Variants in RBFOX1 observed in about 807,000 individuals in gnomAD.
RBFOX1 encodes RNA binding fox-1 homolog 1.
In RBFOX1, 8 loss-of-function variants were observed where a neutral mutation model predicts 57.7. The observed-to-expected ratio is 0.14, with a 90% CI of 0.08 to 0.25. The LOEUF (loss-of-function observed/expected upper bound fraction) is 0.25. RBFOX1 is among the 10% of genes least tolerant of loss of function. RBFOX1 has a pLI of 1.00. For synonymous variants in RBFOX1, 326 were observed against 222.4 expected, an observed-to-expected ratio of 1.47 and a Z score of -4.15; for missense variants, 611 against 548.5, an observed-to-expected ratio of 1.11 and a Z score of -1.14.
chr16:7,504,753 ATT>A (rs111301113), intron 4 of RBFOX1, among the ~76,000 whole-genome samples: 68 of 6,246 alleles, frequency 0.011, 1 homozygote, highest in Admixed American at 0.016. Context: ...ATATATATAT[ATT>A]TATATATATA....
intron 1 of RBFOX1, among the ~76,000 whole-genome samples, chr16:5,263,665 T>G (rs752777700): frequency 2.6e-5 from 4 of 151,988 alleles, no homozygotes; most frequent in Non-Finnish European, 5.9e-5. Flanking sequence ...CTTCTCCTTA[T>G]GAGATGGGAA....
At chr16:6,659,091 G>C (rs573673473) in intron 3 of RBFOX1, among the ~76,000 whole-genome samples, 3 of 151,896 alleles carry the variant, frequency 2.0e-5, no homozygotes, top group Non-Finnish European at 4.4e-5. Context: ...GTTTCTGCTG[G>C]GGCACTGAAG....
intron 3 of RBFOX1, among the ~76,000 whole-genome samples, chr16:5,790,079 T>G (rs1438060459): frequency 6.6e-6 from 1 of 152,246 alleles, no homozygotes; most frequent in Non-Finnish European, 1.5e-5. Flanking sequence ...GACTCCAGGC[T>G]GCTACCACTC....
In RBFOX1 at chr16:6,607,451, TTCC is replaced by T. The variant is rs566525631; in HGVS notation, c.-63-47149_-63-47147del. 4.9e-3 allele frequency among the ~76,000 whole-genome samples: 742 copies of T among 150,642 alleles called. 6 individuals are homozygous for T. Among genetic ancestry groups the T allele is most frequent in the African/African-American group, 0.017 (700 of 40,924 alleles). On this transcript the variant is annotated intron_variant, in intron 2 of 15. Transcript: ENST00000550418. ...CTCTCTCTCTCGCTCTCTATCTCTC[TTCC>T]TCTCTCTCTTCCTCCTCTGTCTCTC...
At chr16:6,492,223 G>A (rs2095648476) in intron 2 of RBFOX1, among the ~76,000 whole-genome samples, 1 of 152,168 alleles carries the variant, frequency 6.6e-6, no homozygotes, top group South Asian at 2.1e-4. Flanking sequence ...TTTATATACT[G>A]TTAGAATGTG....
intron 2 of RBFOX1, among the ~76,000 whole-genome samples, chr16:6,513,442 G>T (rs903008276): frequency 6.6e-6 from 1 of 152,102 alleles, no homozygotes; most frequent in Non-Finnish European, 1.5e-5. Flanking sequence ...TAAAAGTTTG[G>T]AGACCATGAG....
chr16:5,989,911 C>T (rs111842787), intron 4 of RBFOX1, among the ~76,000 whole-genome samples: 13 of 138,880 alleles, frequency 9.4e-5, no homozygotes, highest in African/African-American at 3.4e-4. Context: ...GAGTAACCAC[C>T]CAGGTTGGTC....
At chr16:7,695,927 T>C (rs910577932) in intron 14 of RBFOX1, among the ~76,000 whole-genome samples, 1 of 152,210 alleles carries the variant, frequency 6.6e-6, no homozygotes, top group Non-Finnish European at 1.5e-5. Flanking sequence ...ATGCCCATGG[T>C]GGATGGGCTA....
intron 1 of RBFOX1, among the ~76,000 whole-genome samples, chr16:5,349,676 GA>G (rs530979428): frequency 8.7e-5 from 13 of 149,112 alleles, no homozygotes; most frequent in South Asian, 2.1e-4. Flanking sequence ...TGTCTGGGAA[GA>G]AAAAAAAAAC....
chr16:7,435,272 T>C lies in RBFOX1; in HGVS notation c.28-82875T>C, dbSNP rs536824432. Among the ~76,000 whole-genome samples, 107 of 152,248 alleles carry C rather than the reference T, an allele frequency of 7.0e-4. 1 individual carries two copies. The highest frequency in any genetic ancestry group is 2.5e-3 in the African/African-American group (104 of 41,538). ...TTTGGAGTACTAAGCAGGTGTTTTGTAGTGTGTCCCTCCACTGAGGAGTTT... is the reference window on the plus strand; with the variant it reads ...TTTGGAGTACTAAGCAGGTGTTTTGCAGTGTGTCCCTCCACTGAGGAGTTT... On this transcript the variant is annotated intron_variant, in intron 4 of 15. Transcript: ENST00000550418.
chr16:5,347,158 T>C (rs1363976178), intron 1 of RBFOX1, among the ~76,000 whole-genome samples: 2 of 152,196 alleles, frequency 1.3e-5, no homozygotes, highest in African/African-American at 2.4e-5. Context: ...TCCTGCTTCA[T>C]GTTTCTTCAT....
chr16:5,480,623 C>T (rs952469148), intron 2 of RBFOX1, among the ~76,000 whole-genome samples: 21 of 152,118 alleles, frequency 1.4e-4, no homozygotes, highest in South Asian at 6.2e-4. Context: ...AGAAAATTCA[C>T]CCATGGCTAT....
At chr16:6,257,566 C>T (rs1449070173) in intron 1 of RBFOX1, among the ~76,000 whole-genome samples, 1 of 152,074 alleles carries the variant, frequency 6.6e-6, no homozygotes, top group African/African-American at 2.4e-5. Flanking sequence ...TGATCCTCTC[C>T]CACTTCCCAT....
chr16:5,637,880 A>C (rs1221526089), intron 3 of RBFOX1, among the ~76,000 whole-genome samples: 2 of 151,982 alleles, frequency 1.3e-5, no homozygotes, highest in Non-Finnish European at 2.9e-5. Flanking sequence ...GAAATCTGCT[A>C]CTCCCTGGAG....
intron 4 of RBFOX1, among the ~76,000 whole-genome samples, chr16:7,054,220 G>GT (rs1304053909): frequency 1.9e-5 from 2 of 105,492 alleles, no homozygotes; most frequent in Non-Finnish European, 3.8e-5. Flanking sequence ...TTTCGGGGGG[G>GT]GGGGGCGGGG....
At chr16:7,063,516 G>C (rs757969494) in intron 4 of RBFOX1, among the ~76,000 whole-genome samples, 7 of 152,172 alleles carry the variant, frequency 4.6e-5, no homozygotes, top group Admixed American at 6.5e-5. Context: ...AGATTCTGGA[G>C]ATGGACCCAA....
intron 1 of RBFOX1, among the ~76,000 whole-genome samples, chr16:6,135,548 CATTGGAT>C (rs2096660332): frequency 6.6e-6 from 1 of 151,850 alleles, no homozygotes; most frequent in South Asian, 2.1e-4. Context: ...GGGGGGTATT[CATTGGAT>C]ATTTGAATGA....
intron 4 of RBFOX1, among the ~76,000 whole-genome samples, chr16:7,205,529 GAAAAAGAAA>G (rs950770351): frequency 5.6e-5 from 8 of 142,868 alleles, no homozygotes; most frequent in African/African-American, 2.1e-4. Context: ...AAAAAAAAAA[GAAAAAGAAA>G]AAAAAGAAAA....
At chr16:6,592,843 G>T (rs1336754511) in intron 2 of RBFOX1, among the ~76,000 whole-genome samples, 2 of 152,116 alleles carry the variant, frequency 1.3e-5, no homozygotes, top group Non-Finnish European at 2.9e-5. Flanking sequence ...CAGGCAAGTT[G>T]CTGATTAGCT....
Sources: gnomAD v4.1 joint callset for allele counts (sites outside exome capture counted in the v4.1 genomes callset) on GRCh38, gnomAD v4.1.1 for gene constraint, MANE v1.5 for transcripts, NCBI Gene and HGNC (gene_info 2026-07-23, HGNC 2026-07-21) for gene names.